RUFY1: variants seen among roughly 807,000 people sequenced by gnomAD.
RUFY1 encodes RUN and FYVE domain-containing protein 1.
Under a neutral mutation model 94.6 loss-of-function variants are expected in RUFY1, and 54 were observed. The observed-to-expected ratio is 0.57, with a 90% confidence interval of 0.46 to 0.72. The LOEUF is 0.72. RUFY1 is among the 30% of genes least tolerant of loss of function. The probability of loss-of-function intolerance (pLI) is 0.00; values close to 1 mark genes in which losing one functional copy is unlikely to be tolerated. For missense variants in RUFY1, 883 were observed against 883.9 expected (o/e 1.00, Z 0.01); for synonymous variants, 396 against 347.3 (o/e 1.14, Z -1.56).
chr5:179,561,875 G>A (rs1316089360), intron 2 of RUFY1, among the ~76,000 whole-genome samples: 8 of 148,972 alleles, frequency 5.4e-5, no homozygotes, highest in Admixed American at 3.3e-4. Context: ...TAGTAGAGAC[G>A]GAGTTTCACC....
chr5:179,574,121 G>A (rs532691687), intron 5 of RUFY1, among the ~76,000 whole-genome samples: 25 of 152,110 alleles, frequency 1.6e-4, no homozygotes, highest in Non-Finnish European at 2.8e-4. Context: ...TAAACTGGAA[G>A]GCCGGGCGTG....
intron 1 of RUFY1, among the ~76,000 whole-genome samples, chr5:179,554,259 G>A (rs570702147): frequency 3.9e-5 from 6 of 152,272 alleles, no homozygotes; most frequent in Admixed American, 6.5e-5. Flanking sequence ...TGTCCCGGTC[G>A]GGTGCAGTGG....
At chr5:179,604,059 A>AAAAC (rs777608188) in intron 15 of RUFY1, among the ~76,000 whole-genome samples, 1 of 152,214 alleles carries the variant, frequency 6.6e-6, no homozygotes, top group Non-Finnish European at 1.5e-5. Flanking sequence ...CTCTGTCTCA[A>AAAAC]AAACAAACAA....
chr5:179,567,801 G>C (rs1478605733), intron 4 of RUFY1, among the ~76,000 whole-genome samples: 1 of 152,162 alleles, frequency 6.6e-6, no homozygotes, highest in South Asian at 2.1e-4. Flanking sequence ...CTACTCAGAA[G>C]GCTGAGGCAG....
intron 6 of RUFY1, among the ~76,000 whole-genome samples, chr5:179,578,864 G>A (rs538609199): frequency 9.4e-4 from 142 of 151,686 alleles, no homozygotes; most frequent in African/African-American, 3.4e-3. Flanking sequence ...GGCTGATCTC[G>A]AACTTCCAAC....
rs541086157 is a variant in RUFY1 at position 179,599,252 on chromosome 5, G to A, written c.1761+431G>A. Reference sequence around the variant, plus strand: ...GGCCCTGGGAGCCAGGGGAAGGAACGTGGGTTTTATTTTACCAGAGTGGGC... The same window carrying A: ...GGCCCTGGGAGCCAGGGGAAGGAACATGGGTTTTATTTTACCAGAGTGGGC... On this transcript the variant is annotated intron_variant, in intron 14 of 17. Transcript: ENST00000319449. 11 of 161,592 alleles carry A rather than the reference G, an allele frequency of 6.8e-5. No individual in the cohort carries two copies. The East Asian group carries it at 1.1e-3, about 16-fold the overall frequency. The allele number at this position is 161,592 out of a possible 1,614,324, so 10.0% of individuals were successfully genotyped here. A position where few individuals can be genotyped will look rare whatever the true frequency, so the allele number is the denominator to read the frequency against.
In RUFY1 at chr5:179,562,626, A is replaced by G; in HGVS notation, c.564A>G (p.Ser188=). The G allele has an allele frequency of 3.7e-6, 6 of 1,603,058 alleles. No homozygotes were observed. The highest frequency in any genetic ancestry group is 5.1e-6 in the Non-Finnish European group (6 of 1,169,962). The change falls in exon 3 of 18, where the codon TCA becomes TCG. Residue 188 remains serine, a synonymous_variant. Coordinates refer to ENST00000319449, the MANE Select transcript of RUFY1 (RefSeq NM_025158.5). The part of the protein sequence containing the change: ...ELVEKLCPEA[S]DIATSVRNLP... The stretch of plus-strand genomic sequence containing the variant: ...TGGAGAAACTTTGTCCAGAAGCATC[A>G]GATATAGCGACTAGTGTCAGAAATC...
chr5:179,577,764 GGGCGGCGGA>G (rs1335132240), intron 6 of RUFY1, among the ~76,000 whole-genome samples: 1 of 151,922 alleles, frequency 6.6e-6, no homozygotes, highest in Admixed American at 6.6e-5. Flanking sequence ...ACCGGTGGTC[GGGCGGCGGA>G]GGCGGTGGGA....
intron 1 of RUFY1, among the ~76,000 whole-genome samples, chr5:179,554,411 G>A (rs957131623): frequency 5.9e-5 from 9 of 151,578 alleles, no homozygotes; most frequent in Non-Finnish European, 1.2e-4. Flanking sequence ...TGGCGTAGGC[G>A]TGTAATCCCA....
At chr5:179,581,176 A>G (rs1292207929) in intron 7 of RUFY1, among the ~76,000 whole-genome samples, 164 bp downstream of exon 7, 1 of 152,202 alleles carries the variant, frequency 6.6e-6, no homozygotes, top group African/African-American at 2.4e-5. Flanking sequence ...AAGAAGTATG[A>G]TTTCTTCTTG....
chr5:179,586,685 G>C (rs968420292), intron 8 of RUFY1, among the ~76,000 whole-genome samples: 3 of 152,166 alleles, frequency 2.0e-5, no homozygotes, highest in African/African-American at 7.2e-5. Context: ...CTTCAGGAAA[G>C]GAGCTCAGAT....
intron 10 of RUFY1, among the ~76,000 whole-genome samples, chr5:179,592,211 C>T (rs1765177364): frequency 6.6e-6 from 1 of 151,400 alleles, no homozygotes; most frequent in African/African-American, 2.4e-5. Context: ...CGTCTGCCTC[C>T]CAGGTTCAAG....
At chr5:179,597,413 TTTTAG>T (rs1765775012) in intron 13 of RUFY1, among the ~76,000 whole-genome samples, 1 of 152,142 alleles carries the variant, frequency 6.6e-6, no homozygotes, top group African/African-American at 2.4e-5. Flanking sequence ...TTTTTTGTAT[TTTTAG>T]TAGAGACGGG....
intron 3 of RUFY1, among the ~76,000 whole-genome samples, chr5:179,566,106 A>G (rs1159980030): frequency 2.0e-5 from 3 of 151,880 alleles, no homozygotes; most frequent in South Asian, 2.1e-4. Context: ...ATGCCATTCA[A>G]CAGCATGGGC....
chr5:179,568,119 C>T (rs1369480877), intron 4 of RUFY1, among the ~76,000 whole-genome samples: 3 of 152,020 alleles, frequency 2.0e-5, no homozygotes, highest in Non-Finnish European at 4.4e-5. Flanking sequence ...TGGCATATGC[C>T]TATAATCCCA....
chr5:179,565,515 C>T (rs1205529260), intron 3 of RUFY1, among the ~76,000 whole-genome samples: 1 of 151,978 alleles, frequency 6.6e-6, no homozygotes, highest in Non-Finnish European at 1.5e-5. Flanking sequence ...AGATATTGCC[C>T]ATTCAAAAAA....
intron 6 of RUFY1, among the ~76,000 whole-genome samples, chr5:179,580,237 G>GTATATA (rs1413360910): frequency 1.9e-4 from 9 of 47,214 alleles, no homozygotes; most frequent in Admixed American, 1.2e-3. Flanking sequence ...GTGTGTGTGT[G>GTATATA]TGTGTATATT....
In RUFY1 at chr5:179,596,627, T is replaced by C; in HGVS notation, c.1577T>C (p.Leu526Pro). 6.2e-7 allele frequency: 1 copy of C among 1,612,428 alleles called. No homozygotes were observed. The highest frequency in any genetic ancestry group is 1.7e-4 in the Middle Eastern group (1 of 6,016). ...CGGAGCCACAAGCTGCAGCAGGAGC[T>C]GGGCGGGAGGATCGGCGCCCTGCAG... ...EERSHKLQQELGGRIGALQLQ... is the reference protein window; with the variant it reads ...EERSHKLQQEPGGRIGALQLQ... The change falls in exon 13 of 18, where the codon CTG (leucine) becomes CCG (proline). Residue 526 changes from leucine (L) to proline (P), a missense_variant. Physicochemically the swap from Leu to Pro is moderately conservative, Grantham distance 98. Coordinates refer to ENST00000319449, the MANE Select transcript of RUFY1 (RefSeq NM_025158.5).
At chr5:179,570,040 G>A (rs907994959) in intron 5 of RUFY1, among the ~76,000 whole-genome samples, 5 of 128,122 alleles carry the variant, frequency 3.9e-5, no homozygotes, top group African/African-American at 8.6e-5. Context: ...CACTGCGCCC[G>A]GCCTGTATTT....
Sources: allele counts gnomAD v4.1 joint callset (sites outside exome capture counted in the v4.1 genomes callset), GRCh38; gene constraint gnomAD v4.1.1; transcripts MANE v1.5; gene names NCBI Gene and HGNC (gene_info 2026-07-23, HGNC 2026-07-21).